The following CBR4 variants were observed in gnomAD, a reference collection of about 807,000 sequenced individuals.
The protein encoded by CBR4 is carbonyl reductase 4.
A neutral mutation model predicts 21.0 loss-of-function variants in CBR4; 22 were observed. The observed-to-expected ratio is 1.05, with a 90% CI of 0.75 to 1.50. CBR4 has a LOEUF of 1.50. Ranked by LOEUF, CBR4 falls within the 40% of genes most tolerant of loss-of-function variation. The pLI is 0.00. For missense variants in CBR4, 302 were observed against 286.3 expected (o/e 1.05, Z -0.40); for synonymous variants, 100 against 104.4 (o/e 0.96, Z 0.26).
downstream of CBR4, among the ~76,000 whole-genome samples, chr4:168,983,159 A>C (rs1452989262): frequency 6.6e-6 from 1 of 152,180 alleles, no homozygotes; most frequent in Non-Finnish European, 1.5e-5. Context: ...TAAGATTGAT[A>C]GACTGCTAGC....
intron 2 of CBR4, chr4:168,914,036 C>T (rs1411944804): frequency 7.0e-7 from 1 of 1,432,958 alleles, no homozygotes; most frequent in Non-Finnish European, 9.9e-7. Flanking sequence ...TTAACATGTT[C>T]CTTCCCAGAA....
At chr4:168,931,263 C>G (rs968953133) in intron 2 of CBR4, among the ~76,000 whole-genome samples, 5 of 152,206 alleles carry the variant, frequency 3.3e-5, no homozygotes, top group African/African-American at 1.2e-4. Context: ...ATCTCCTAAG[C>G]CTGAGAAACA....
rs1560894892 is a variant in CBR4, at chr4:168,905,138, G to GTTTTTTGTTT, written n.170-10374_170-10373insAAACAAAAAA. ...TGAGACTTTGTTTTTTGTTTTGTTG[G>GTTTTTTGTTT]TTTTTTTTTTTTTTTTTTTTTTTTT... On this transcript the variant is annotated intron_variant and non_coding_transcript_variant, in intron 2 of 3. Coordinates refer to the CBR4 transcript ENST00000509108. Among the ~76,000 whole-genome samples, 53 of 34,532 alleles carry GTTTTTTGTTT rather than the reference G, an allele frequency of 1.5e-3. 3 individuals carry two copies. The highest frequency in any genetic ancestry group is 2.3e-3 in the Non-Finnish European group (33 of 14,180). 22.7% of individuals were successfully genotyped at this position (34,532 alleles called of 152,430 possible).
rs1560990927 is a variant in CBR4 at position 169,002,209 on chromosome 4, GGACAAA to G, written c.401-10_401-5del. ...CCTTTTAAGCCAACAATGCTTCCTAGGACAAAAAAAAAAAAAAAAAAAAAAAAAGCG... is the reference window on the plus strand; with the variant it reads ...CCTTTTAAGCCAACAATGCTTCCTAGAAAAAAAAAAAAAAAAAAAAAAGCG... On this transcript the variant is annotated splice_region_variant and splice_polypyrimidine_tract_variant and intron_variant, in intron 3 of 4. Coordinates refer to ENST00000306193, the MANE Select transcript of CBR4 (RefSeq NM_032783.5). The G allele has an allele frequency of 6.6e-6, 5 of 752,888 alleles. No individual in the cohort carries two copies. The highest frequency in any genetic ancestry group is 1.0e-4 in the Admixed American group (1 of 9,664). 46.6% of individuals were successfully genotyped at this position (752,888 alleles called of 1,614,324 possible). A position where few individuals can be genotyped will look rare whatever the true frequency, so the allele number is the denominator to read the frequency against.
At chr4:169,006,681 C>A in intron 3 of CBR4, 74 bp downstream of exon 3, 3 of 1,314,960 alleles carry the variant, frequency 2.3e-6, no homozygotes, top group South Asian at 1.4e-5. Flanking sequence ...CAATAAATCA[C>A]AAATTCGTGG....
At chr4:168,984,356 A>C (rs1391323953), downstream of CBR4, among the ~76,000 whole-genome samples, 1 of 152,198 alleles carries the variant, frequency 6.6e-6, no homozygotes, top group African/African-American at 2.4e-5. Context: ...AGAGAGGTAA[A>C]GCAATTCTAC....
Position 168,987,693 on chromosome 4 carries a change from A to G in CBR4, c.*2457T>C. ...CATATTCCTTTTGAAAATCTTAGAA[A>G]AAATGTTTCACCAATGTTAAGGTAC... On this transcript the variant is annotated 3_prime_UTR_variant, in exon 5 of 5. Transcript: ENST00000306193. The G allele has an allele frequency of 1.0e-6, 1 of 983,020 alleles. No homozygotes were observed. The highest frequency in any genetic ancestry group is 1.2e-6 in the Non-Finnish European group (1 of 827,698). The allele number at this position is 983,020 out of a possible 1,614,324, so 60.9% of individuals were successfully genotyped here. A position where few individuals can be genotyped will look rare whatever the true frequency, so the allele number is the denominator to read the frequency against.
intron 2 of CBR4, among the ~76,000 whole-genome samples, chr4:168,968,293 G>C (rs1161061278): frequency 6.6e-6 from 1 of 152,202 alleles, no homozygotes; most frequent in East Asian, 1.9e-4. Context: ...GAAAAGGTTT[G>C]TAGGGCATTG....
intron 4 of CBR4, among the ~76,000 whole-genome samples, chr4:168,997,897 G>A (rs1765281861): frequency 6.6e-6 from 1 of 152,120 alleles, no homozygotes; most frequent in African/African-American, 2.4e-5. Flanking sequence ...TTCTAAGGGA[G>A]AAGAAATAAG....
intron 1 of CBR4, among the ~76,000 whole-genome samples, chr4:169,009,730 G>A (rs1037978813): frequency 2.0e-5 from 3 of 152,246 alleles, no homozygotes; most frequent in African/African-American, 7.2e-5. Flanking sequence ...TTCAGCCCTC[G>A]GCGGCAAGCT....
chr4:169,002,393 C>T (rs77307504), intron 3 of CBR4, among the ~76,000 whole-genome samples, 188 bp from the exon 4 acceptor site: 2,982 of 152,240 alleles, frequency 0.02, 49 homozygotes, highest in South Asian at 0.057. Context: ...CAAGTCTGCT[C>T]CAGATACATA....
chr4:168,912,209 A>G (rs1290582866), intron 2 of CBR4, among the ~76,000 whole-genome samples: 2 of 152,200 alleles, frequency 1.3e-5, no homozygotes, highest in African/African-American at 4.8e-5. Context: ...ACCTGTCTCT[A>G]TAGGCAGCTT....
rs191189074 is a variant in CBR4, at chr4:168,944,259, A to C, written n.170-49494T>G. On this transcript the variant is annotated intron_variant and non_coding_transcript_variant, in intron 2 of 3. Transcript: ENST00000509108. ...CAGGAGTTTGAGACCAGCTTAGGCAATGTAGTGAGACCCCCCATCTCTAAA... is the reference window on the plus strand; with the variant it reads ...CAGGAGTTTGAGACCAGCTTAGGCACTGTAGTGAGACCCCCCATCTCTAAA... Among the ~76,000 whole-genome samples, 7 of 152,154 alleles carry C rather than the reference A, an allele frequency of 4.6e-5. No individual in the cohort carries two copies. In the East Asian group the frequency reaches 1.4e-3, roughly 29 times the overall value.
intron 2 of CBR4, among the ~76,000 whole-genome samples, chr4:168,911,040 AATG>A (rs1337849971): frequency 6.6e-6 from 1 of 152,222 alleles, no homozygotes; most frequent in Admixed American, 6.5e-5. Flanking sequence ...GGAATTTAAT[AATG>A]ATAATTTATG....
At chr4:168,996,758 T>G (rs993691358) in intron 4 of CBR4, among the ~76,000 whole-genome samples, 1 of 152,194 alleles carries the variant, frequency 6.6e-6, no homozygotes, top group African/African-American at 2.4e-5. Flanking sequence ...AAATAAAATT[T>G]ATCAGAAATT....
intron 2 of CBR4, among the ~76,000 whole-genome samples, chr4:168,908,506 T>A (rs541768788): frequency 6.6e-6 from 1 of 152,210 alleles, no homozygotes; most frequent in African/African-American, 2.4e-5. Context: ...GAAAAAAAAA[T>A]TCAAAATAGC....
At chr4:168,923,840 C>CT (rs990589924) in intron 2 of CBR4, among the ~76,000 whole-genome samples, 56 of 152,178 alleles carry the variant, frequency 3.7e-4, no homozygotes, top group African/African-American at 1.3e-3. Context: ...GTGAGGGAAT[C>CT]TAAGTGGTCA....
At chr4:168,920,347 T>TG (rs1300304095) in intron 2 of CBR4, among the ~76,000 whole-genome samples, 1 of 152,228 alleles carries the variant, frequency 6.6e-6, no homozygotes, top group Non-Finnish European at 1.5e-5. Context: ...ACATGTGTGG[T>TG]GGGAGGCATC....
chr4:168,976,272 T>C (rs147117152), intron 2 of CBR4, among the ~76,000 whole-genome samples: 24 of 152,318 alleles, frequency 1.6e-4, no homozygotes, highest in Middle Eastern at 3.4e-3. Context: ...ATAGCTTCCA[T>C]GGGCTCGAGC....
Sources: gnomAD v4.1 joint callset for allele counts (sites outside exome capture counted in the v4.1 genomes callset) on GRCh38, gnomAD v4.1.1 for gene constraint, MANE v1.5 for transcripts, NCBI Gene and HGNC (gene_info 2026-07-23, HGNC 2026-07-21) for gene names.